Variants in TRAPPC9 observed in about 807,000 individuals in gnomAD.
TRAPPC9 encodes the protein trafficking protein particle complex subunit 9, also known as IKK2 binding protein.
Under a neutral mutation model 124.0 loss-of-function variants are expected in TRAPPC9, and 83 were observed. That is an observed-to-expected ratio of 0.67 (90% CI 0.56 to 0.80). The LOEUF (loss-of-function observed/expected upper bound fraction) is 0.80, where lower values mean the gene tolerates loss of function less well. Ranked by LOEUF, TRAPPC9 falls within the 30% of genes least tolerant of loss-of-function variation. TRAPPC9 has a pLI of 0.00. For synonymous variants in TRAPPC9, 638 were observed against 617.5 expected, an observed-to-expected ratio of 1.03 and a Z score of -0.49; for missense variants, 1,302 against 1,508.3, an observed-to-expected ratio of 0.86 and a Z score of 2.27.
At chr8:140,114,619 T>A (rs975960892) in intron 17 of TRAPPC9, among the ~76,000 whole-genome samples, 1 of 152,152 alleles carries the variant, frequency 6.6e-6, no homozygotes, top group African/African-American at 2.4e-5. Context: ...TGATAATTGC[T>A]TTTAGGCCCT....
Position 139,982,097 on chromosome 8 carries a change from C to CA in TRAPPC9, c.2810+6628dup, listed in dbSNP as rs557573498. Among the ~76,000 whole-genome samples, 517 of 152,108 alleles carry CA rather than the reference C, an allele frequency of 3.4e-3. 3 individuals carry two copies. Among genetic ancestry groups the CA allele is most frequent in the African/African-American group, 0.012 (482 of 41,450 alleles). ...TAATTTCAATGGTTTGATAATTAGG[C>CA]AAAAAAACCCACAATTGTCGTATCT... is the stretch of plus-strand genomic sequence containing the variant. On this transcript the variant is annotated intron_variant, in intron 19 of 22. Coordinates refer to ENST00000438773, the MANE Select transcript of TRAPPC9 (RefSeq NM_001160372.4).
intron 17 of TRAPPC9, among the ~76,000 whole-genome samples, chr8:140,100,711 A>ACAT (rs2060562716): frequency 2.0e-5 from 3 of 152,108 alleles, no homozygotes; most frequent in Admixed American, 6.5e-5. Context: ...AGGGCGCTGG[A>ACAT]GATGAGGGTG....
chr8:140,406,226 G>A (rs537893574), intron 5 of TRAPPC9, among the ~76,000 whole-genome samples: 26 of 152,172 alleles, frequency 1.7e-4, no homozygotes, highest in African/African-American at 6.3e-4. Context: ...AACCCACATG[G>A]ACAAGCATTT....
intron 18 of TRAPPC9, among the ~76,000 whole-genome samples, chr8:140,005,774 T>TG (rs1009363229): frequency 1.3e-5 from 2 of 151,960 alleles, no homozygotes; most frequent in Non-Finnish European, 2.9e-5. Flanking sequence ...TAGCCAGCCA[T>TG]GGTGGTGCAC....
At chr8:139,853,244 T>G (rs1433470032) in intron 21 of TRAPPC9, among the ~76,000 whole-genome samples, 2 of 152,200 alleles carry the variant, frequency 1.3e-5, no homozygotes, top group Non-Finnish European at 2.9e-5. Flanking sequence ...TGCAGGATGC[T>G]TGCCCTTCGG....
At chr8:140,011,984 G>T (rs1839168152) in intron 18 of TRAPPC9, among the ~76,000 whole-genome samples, 1 of 151,978 alleles carries the variant, frequency 6.6e-6, no homozygotes, top group Non-Finnish European at 1.5e-5. Flanking sequence ...GACAATTTTT[G>T]CATTTTTAGT....
chr8:140,426,761 C>A (rs991618600), intron 4 of TRAPPC9, 120 bp from the exon 5 acceptor site: 1 of 961,446 alleles, frequency 1.0e-6, no homozygotes, highest in South Asian at 1.4e-5. Flanking sequence ...TGTATCTGAT[C>A]AGAAAAGCAA....
intron 20 of TRAPPC9, chr8:139,905,019 G>C (rs909588496): frequency 6.6e-6 from 1 of 152,240 alleles, no homozygotes; most frequent in Admixed American, 6.5e-5. Context: ...CCCAAGTTCA[G>C]TAAAATTGTC....
chr8:140,326,439 C>A (rs1223989436), intron 9 of TRAPPC9, among the ~76,000 whole-genome samples: 2 of 152,064 alleles, frequency 1.3e-5, no homozygotes, highest in Non-Finnish European at 2.9e-5. Flanking sequence ...GCTTTACATC[C>A]CCCCACCATG....
chr8:140,201,766 C>T (rs1017419486), intron 17 of TRAPPC9, among the ~76,000 whole-genome samples: 1 of 152,076 alleles, frequency 6.6e-6, no homozygotes, highest in African/African-American at 2.4e-5. Context: ...CATCCTAGAA[C>T]TTATGAAGGG....
At chr8:139,745,747 C>A (rs115753345) in intron 21 of TRAPPC9, among the ~76,000 whole-genome samples, 1 of 152,212 alleles carries the variant, frequency 6.6e-6, no homozygotes, top group Admixed American at 6.5e-5. Flanking sequence ...CTGGATGGAG[C>A]GGGCAGTTGG....
intron 21 of TRAPPC9, among the ~76,000 whole-genome samples, chr8:139,849,370 G>A (rs552697554): frequency 6.6e-6 from 1 of 152,330 alleles, no homozygotes; most frequent in South Asian, 2.1e-4. Flanking sequence ...GGCCAGCAGC[G>A]GCCAAGGCCA....
intron 21 of TRAPPC9, among the ~76,000 whole-genome samples, chr8:139,740,500 G>A (rs1376878240): frequency 6.6e-6 from 1 of 152,224 alleles, no homozygotes; most frequent in Non-Finnish European, 1.5e-5. Flanking sequence ...AGGCTCACAG[G>A]TGGTAAAGTG....
At chr8:140,250,530 A>C (rs1483143034) in intron 16 of TRAPPC9, among the ~76,000 whole-genome samples, 1 of 152,052 alleles carries the variant, frequency 6.6e-6, no homozygotes, top group African/African-American at 2.4e-5. Flanking sequence ...AGCCTCTGCC[A>C]CTGAGTTCAC....
At chr8:139,979,606 C>T (rs1250459205) in intron 19 of TRAPPC9, among the ~76,000 whole-genome samples, 3 of 152,126 alleles carry the variant, frequency 2.0e-5, no homozygotes, top group Admixed American at 6.5e-5. Flanking sequence ...TAAAGACCCC[C>T]GGGTGATGAC....
intron 21 of TRAPPC9, among the ~76,000 whole-genome samples, chr8:139,823,445 G>C (rs1039556765): frequency 1.3e-5 from 2 of 152,154 alleles, no homozygotes; most frequent in African/African-American, 4.8e-5. Context: ...GGGTGGTTGA[G>C]GAGCCTGAAA....
At chr8:140,396,504 A>T (rs1162939835) in intron 7 of TRAPPC9, among the ~76,000 whole-genome samples, 2 of 150,770 alleles carry the variant, frequency 1.3e-5, no homozygotes, top group Admixed American at 1.3e-4. Context: ...CTGGCCGAGA[A>T]AGCCCTCCCG....
chr8:140,188,146 AG>A (rs2062393799), intron 17 of TRAPPC9, among the ~76,000 whole-genome samples: 3 of 152,250 alleles, frequency 2.0e-5, no homozygotes. Flanking sequence ...ATGTGCGAGC[AG>A]GAATAGAATA....
intron 21 of TRAPPC9, among the ~76,000 whole-genome samples, chr8:139,799,626 C>G (rs1052417650): frequency 3.3e-5 from 5 of 152,200 alleles, no homozygotes; most frequent in Non-Finnish European, 7.3e-5. Context: ...TCCACATCAC[C>G]CCCCATGAAA....
Sources: gnomAD v4.1 joint callset for allele counts (sites outside exome capture counted in the v4.1 genomes callset) on GRCh38, gnomAD v4.1.1 for gene constraint, MANE v1.5 for transcripts, NCBI Gene and HGNC (gene_info 2026-07-23, HGNC 2026-07-21) for gene names.